Variants in NLGN1 observed in about 807,000 individuals in gnomAD.
NLGN1 encodes neuroligin 1.
In NLGN1, 12 loss-of-function variants were observed where a neutral mutation model predicts 65.5. The observed-to-expected ratio is 0.18, with a 90% CI of 0.12 to 0.30. The LOEUF (loss-of-function observed/expected upper bound fraction) is 0.30. Ranked by LOEUF, NLGN1 falls within the 10% of genes least tolerant of loss-of-function variation. NLGN1 has a pLI of 1.00. For missense variants in NLGN1, 750 were observed against 1,007.1 expected, an observed-to-expected ratio of 0.74 and a Z score of 3.46; for synonymous variants, 350 against 359.5, an observed-to-expected ratio of 0.97 and a Z score of 0.30.
chr3:173,630,267 C>A (rs1755477281), intron 3 of NLGN1, among the ~76,000 whole-genome samples: 1 of 152,088 alleles, frequency 6.6e-6, no homozygotes, highest in Admixed American at 6.6e-5. Context: ...CTATTGACAT[C>A]CTGAACAGTG....
At chr3:173,862,460 C>T (rs1193307503) in intron 4 of NLGN1, among the ~76,000 whole-genome samples, 2 of 138,830 alleles carry the variant, frequency 1.4e-5, no homozygotes, top group African/African-American at 5.5e-5. Flanking sequence ...GAGCCGAGAT[C>T]CCGCCACTGC....
chr3:173,586,817 G>C (rs563968113), intron 2 of NLGN1, among the ~76,000 whole-genome samples: 6 of 152,162 alleles, frequency 3.9e-5, no homozygotes, highest in African/African-American at 1.2e-4. Context: ...CGTGGTTCAC[G>C]TGCAGACTGA....
intron 4 of NLGN1, among the ~76,000 whole-genome samples, chr3:174,145,735 A>G (rs947698940): frequency 2.0e-5 from 3 of 152,228 alleles, no homozygotes; most frequent in Admixed American, 1.3e-4. Flanking sequence ...ATCATTCTTG[A>G]TTAGTAAAAT....
intron 4 of NLGN1, among the ~76,000 whole-genome samples, chr3:173,870,177 T>G (rs1386310569): frequency 2.0e-5 from 3 of 152,214 alleles, no homozygotes; most frequent in Non-Finnish European, 4.4e-5. Context: ...ATATACATGT[T>G]ACCATTATCT....
intron 3 of NLGN1, among the ~76,000 whole-genome samples, chr3:173,769,925 A>G (rs1454320357): frequency 1.3e-5 from 2 of 152,272 alleles, no homozygotes; most frequent in East Asian, 3.9e-4. Context: ...GACAGTAGAA[A>G]AATATCAGGT....
At chr3:173,998,975 ACT>A (rs1456742348) in intron 4 of NLGN1, among the ~76,000 whole-genome samples, 1 of 152,064 alleles carries the variant, frequency 6.6e-6, no homozygotes, top group Non-Finnish European at 1.5e-5. Flanking sequence ...CAGTGTCTAA[ACT>A]CTTAGCCGTA....
intron 4 of NLGN1, among the ~76,000 whole-genome samples, chr3:174,222,069 C>A (rs1258336216): frequency 6.6e-6 from 1 of 152,094 alleles, no homozygotes; most frequent in East Asian, 1.9e-4. Flanking sequence ...TGGGGGGAAT[C>A]TATTCAACCA....
chr3:173,539,554 A>G (rs1738117318), intron 2 of NLGN1, among the ~76,000 whole-genome samples: 1 of 142,774 alleles, frequency 7.0e-6, no homozygotes, highest in South Asian at 2.1e-4. Flanking sequence ...TAAAATATAT[A>G]CATAATATAT....
At chr3:173,984,198 G>A (rs945483743) in intron 4 of NLGN1, among the ~76,000 whole-genome samples, 11 of 152,294 alleles carry the variant, frequency 7.2e-5, no homozygotes, top group Admixed American at 1.3e-4. Flanking sequence ...GTGAAAGTTC[G>A]CTGAGCTGGG....
In NLGN1 at chr3:174,081,644, A is replaced by G. The variant is rs1454594613; in HGVS notation, c.647-193671A>G. 5.5e-5 allele frequency among the ~76,000 whole-genome samples: 8 copies of G among 146,522 alleles called. No homozygotes were observed. In the East Asian group the frequency reaches 1.4e-3, roughly 26 times the overall value. On this transcript the variant is annotated intron_variant, in intron 4 of 6. Coordinates refer to ENST00000457714, the Ensembl canonical transcript of NLGN1. ...GACAGAGTTTCGCTCTTGTTGCCCA[A>G]TGGCATGATCTTGGCTCACCGGGTT...
chr3:173,604,808 T>G, exon 3 of NLGN1: 1 of 1,613,762 alleles, frequency 6.2e-7, no homozygotes, highest in Non-Finnish European at 8.5e-7. Flanking sequence ...AGGAACTCAA[T>G]AATGAAATTT....
At chr3:173,714,709 C>G (rs994691729) in intron 3 of NLGN1, among the ~76,000 whole-genome samples, 2 of 152,000 alleles carry the variant, frequency 1.3e-5, no homozygotes, top group Non-Finnish European at 2.9e-5. Context: ...GGGAAGAGTA[C>G]ATCAAAGCTT....
chr3:173,580,124 CA>C (rs958693105), intron 2 of NLGN1, among the ~76,000 whole-genome samples: 1 of 151,066 alleles, frequency 6.6e-6, no homozygotes, highest in Non-Finnish European at 1.5e-5. Context: ...TATGATTTTT[CA>C]AAAAAAACCC....
intron 4 of NLGN1, among the ~76,000 whole-genome samples, chr3:174,084,725 C>T (rs1025390429): frequency 1.3e-5 from 2 of 152,038 alleles, no homozygotes; most frequent in Admixed American, 1.3e-4. Flanking sequence ...CAAATTCTTC[C>T]TGTAATCTTT....
intron 4 of NLGN1, among the ~76,000 whole-genome samples, chr3:174,237,210 T>C (rs1741876077): frequency 6.6e-6 from 1 of 152,190 alleles, no homozygotes; most frequent in Non-Finnish European, 1.5e-5. Context: ...GCCATCCCAA[T>C]TTAAAGTCAT....
chr3:173,759,640 T>G (rs1304295064), intron 3 of NLGN1, among the ~76,000 whole-genome samples: 5 of 152,046 alleles, frequency 3.3e-5, no homozygotes, highest in South Asian at 4.1e-4. Context: ...ATTGCGTGAT[T>G]ACTTTCATTT....
At chr3:174,264,788 T>A (rs1747688360) in intron 4 of NLGN1, among the ~76,000 whole-genome samples, 1 of 152,048 alleles carries the variant, frequency 6.6e-6, no homozygotes, top group Non-Finnish European at 1.5e-5. Context: ...GTTTTTCTGT[T>A]CTGTTTGTTC....
In NLGN1 at chr3:174,027,792, T is replaced by C. The variant is rs1170719058; in HGVS notation, c.646+219960T>C. Among the ~76,000 whole-genome samples the C allele has an allele frequency of 2.0e-5, 3 of 152,104 alleles. No individual in the cohort carries two copies. In the South Asian group the frequency reaches 6.2e-4, roughly 31 times the overall value. On this transcript the variant is annotated intron_variant, in intron 4 of 6. Transcript: ENST00000457714. ...GGTCCTATACATCAATACTCAAGGA[T>C]CATATGAGTTAATTTGCATAAAACT...
chr3:173,565,492 T>G (rs1743490300), intron 2 of NLGN1, among the ~76,000 whole-genome samples: 1 of 152,088 alleles, frequency 6.6e-6, no homozygotes, highest in South Asian at 2.1e-4. Flanking sequence ...AGAGCTAGAG[T>G]GCATTCAGAA....
Sources: allele counts gnomAD v4.1 joint callset (sites outside exome capture counted in the v4.1 genomes callset), GRCh38; gene constraint gnomAD v4.1.1; transcripts MANE v1.5; gene names NCBI Gene and HGNC (gene_info 2026-07-23, HGNC 2026-07-21).